The following YY1 variants were observed in gnomAD, a reference collection of about 807,000 sequenced individuals.
YY1 encodes YY1 transcription factor.
Under a neutral mutation model 35.6 loss-of-function variants are expected in YY1, and 2 were observed. The observed-to-expected ratio is 0.06, with a 90% CI of 0.02 to 0.18. YY1 has a LOEUF of 0.18. Ranked by LOEUF, YY1 falls within the 10% of genes least tolerant of loss-of-function variation. YY1 has a pLI of 1.00. For synonymous variants in YY1, 268 were observed against 238.9 expected, an observed-to-expected ratio of 1.12 and a Z score of -1.12; for missense variants, 322 against 573.4, an observed-to-expected ratio of 0.56 and a Z score of 4.48.
At chr14:100,265,885 G>T (rs1891147308) in intron 2 of YY1, among the ~76,000 whole-genome samples, 1 of 151,970 alleles carries the variant, frequency 6.6e-6, no homozygotes, top group East Asian at 1.9e-4. Flanking sequence ...CTAACCTCAT[G>T]ATCCACCCGC....
rs1891324376 is a variant in YY1 at position 100,276,722 on chromosome 14, G to A, written c.1062+74G>A. 1.2e-6 allele frequency: 2 copies of A among 1,606,508 alleles called. No homozygotes were observed. Among genetic ancestry groups the A allele is most frequent in the Non-Finnish European group, 1.7e-6 (2 of 1,176,442 alleles). ...CTGCAAGTGTAGGTGGTGTGGTGAT[G>A]AGGCAGGAGGCGCCAGCCCAGAGAC... On this transcript the variant is annotated intron_variant, in intron 4 of 4. Transcript: ENST00000262238. This position sits in a 1 kb window ranked among gnomAD's most constrained non-coding sequence, Gnocchi z 4.1.
chr14:100,262,586 A>G, intron 2 of YY1, 120 bp downstream of exon 2: 1 of 1,105,954 alleles, frequency 9.0e-7, no homozygotes. Flanking sequence ...GAAATTCCTG[A>G]AAACAAAAGC....
intron 1 of YY1, among the ~76,000 whole-genome samples, chr14:100,240,589 C>T (rs1350251058): frequency 6.6e-6 from 1 of 152,150 alleles, no homozygotes; most frequent in Non-Finnish European, 1.5e-5. Flanking sequence ...CCTGCCCCGG[C>T]GGTCACGCTC....
intron 3 of YY1, chr14:100,275,584 C>T (rs140334730): frequency 1.7e-4 from 26 of 152,358 alleles, no homozygotes; most frequent in African/African-American, 6.0e-4. Context: ...ACACATAATA[C>T]TTGTACATAT....
chr14:100,241,430 A>G (rs1432290177), intron 1 of YY1, among the ~76,000 whole-genome samples: 3 of 152,186 alleles, frequency 2.0e-5, no homozygotes, highest in Non-Finnish European at 4.4e-5. Flanking sequence ...TGAGACAACT[A>G]CAGCTGGGTG....
In YY1 at chr14:100,250,716, A is replaced by G. The variant is rs140955830; in HGVS notation, c.679+10793A>G. On this transcript the variant is annotated intron_variant, in intron 1 of 4. Transcript: ENST00000262238. ...TCACAGTGCTGTCTTAGAGATGCCT[A>G]AAAAATGTATTAAGGAACGTGGCTG... is the stretch of plus-strand genomic sequence containing the variant. Among the ~76,000 whole-genome samples the G allele has an allele frequency of 1.7e-3, 255 of 152,238 alleles. 1 individual carries two copies. The highest frequency in any genetic ancestry group is 2.9e-3 in the Non-Finnish European group (194 of 68,016).
At chr14:100,267,788 C>G (rs140828074) in intron 2 of YY1, among the ~76,000 whole-genome samples, 19 of 152,348 alleles carry the variant, frequency 1.2e-4, no homozygotes. Context: ...TCCCAAAGTG[C>G]TGGGATTACA....
At chr14:100,259,125 A>G (rs779492559) in intron 1 of YY1, among the ~76,000 whole-genome samples, 5 of 152,226 alleles carry the variant, frequency 3.3e-5, no homozygotes, top group Non-Finnish European at 5.9e-5. Context: ...AGACAATTTG[A>G]GAAGCAAAAA....
At chr14:100,262,033 C>A (rs976376570) in intron 1 of YY1, among the ~76,000 whole-genome samples, 3 of 152,006 alleles carry the variant, frequency 2.0e-5, no homozygotes, top group Middle Eastern at 6.3e-3. Context: ...GCCTGTAGTC[C>A]CAGCTACTCA....
Position 100,276,703 on chromosome 14 carries a change from G to A in YY1, c.1062+55G>A. 6.2e-7 allele frequency: 1 copy of A among 1,612,488 alleles called. No homozygotes were observed. The highest frequency in any genetic ancestry group is 8.5e-7 in the Non-Finnish European group (1 of 1,179,556). ...TGCCTTGCCTGTCTGAACACTGCAA[G>A]TGTAGGTGGTGTGGTGATGAGGCAG... On this transcript the variant is annotated intron_variant, in intron 4 of 4. Transcript: ENST00000262238. This position sits in a 1 kb window ranked among gnomAD's most constrained non-coding sequence, Gnocchi z 4.1.
intron 1 of YY1, among the ~76,000 whole-genome samples, chr14:100,243,299 G>A (rs991019780): frequency 6.6e-6 from 1 of 152,186 alleles, no homozygotes; most frequent in Non-Finnish European, 1.5e-5. Context: ...TCGTGTACTT[G>A]ATCTCATTTG....
chr14:100,243,047 C>A (rs1362998428), intron 1 of YY1, among the ~76,000 whole-genome samples: 1 of 152,186 alleles, frequency 6.6e-6, no homozygotes, highest in African/African-American at 2.4e-5. Flanking sequence ...TTGTGGTAAA[C>A]TATCCCCCTT....
chr14:100,256,212 C>T (rs1195989717), intron 1 of YY1, among the ~76,000 whole-genome samples: 1 of 151,860 alleles, frequency 6.6e-6, no homozygotes, highest in Non-Finnish European at 1.5e-5. Flanking sequence ...ACCTAGGTTT[C>T]TTATCCCCTA....
chr14:100,266,979 CAGCTG>C (rs1414110436), intron 2 of YY1, among the ~76,000 whole-genome samples: 1 of 152,130 alleles, frequency 6.6e-6, no homozygotes, highest in East Asian at 1.9e-4. Context: ...ACCAAGAGGA[CAGCTG>C]TGTAGCAGGC....
chr14:100,248,946 C>G (rs1263128933), intron 1 of YY1, among the ~76,000 whole-genome samples: 1 of 151,846 alleles, frequency 6.6e-6, no homozygotes, highest in Non-Finnish European at 1.5e-5. Context: ...CTTGGTCTCC[C>G]AAAGTGCTAG....
chr14:100,276,269 T>G lies in YY1; in HGVS notation c.904-221T>G. On this transcript the variant is annotated intron_variant, in intron 3 of 4. Coordinates refer to ENST00000262238, the MANE Select transcript of YY1 (RefSeq NM_003403.5). This position sits in a 1 kb window ranked among gnomAD's most constrained non-coding sequence, Gnocchi z 4.1. ...TTAAAGACATCTCTAAGCCTCAGTTTCCTCATCTGTAAAACTAGGGTTTGC... is the reference window on the plus strand; with the variant it reads ...TTAAAGACATCTCTAAGCCTCAGTTGCCTCATCTGTAAAACTAGGGTTTGC... 1 of 594,300 alleles carries G rather than the reference T, an allele frequency of 1.7e-6. No individual in the cohort carries two copies. The highest frequency in any genetic ancestry group is 2.9e-6 in the Non-Finnish European group (1 of 347,820). The allele number at this position is 594,300 out of a possible 1,614,324, so 36.8% of individuals were successfully genotyped here. A position where few individuals can be genotyped will look rare whatever the true frequency, so the allele number is the denominator to read the frequency against.
intron 1 of YY1, among the ~76,000 whole-genome samples, chr14:100,247,098 C>T (rs962581610): frequency 6.6e-6 from 1 of 152,136 alleles, no homozygotes; most frequent in Non-Finnish European, 1.5e-5. Flanking sequence ...ATTTTATAGG[C>T]TTTTGGAAGA....
chr14:100,281,438 G>C lies in YY1; in HGVS notation c.*3838G>C, dbSNP rs1430392811. 6.6e-6 allele frequency: 1 copy of C among 152,108 alleles called. No homozygotes were observed. The highest frequency in any genetic ancestry group is 1.5e-5 in the Non-Finnish European group (1 of 68,040). 9.4% of individuals were successfully genotyped at this position (152,108 alleles called of 1,614,324 possible). A position where few individuals can be genotyped will look rare whatever the true frequency, so the allele number is the denominator to read the frequency against. On this transcript the variant is annotated 3_prime_UTR_variant, in exon 5 of 5. Transcript: ENST00000262238. ...TTGCCTTGGACCCTCGGCTGTAGGG[G>C]GCACCTGTCTGGCTCCGGGCCCTTT...
chr14:100,259,411 T>C (rs1891048838), intron 1 of YY1, among the ~76,000 whole-genome samples: 1 of 151,918 alleles, frequency 6.6e-6, no homozygotes, highest in African/African-American at 2.4e-5. Context: ...TCCCAGCTAA[T>C]CGGGAGGTGG....
Sources: gnomAD v4.1 joint callset for allele counts (sites outside exome capture counted in the v4.1 genomes callset) on GRCh38, gnomAD v4.1.1 for gene constraint, Gnocchi (gnomAD v3.1) non-coding constraint, MANE v1.5 for transcripts, NCBI Gene and HGNC (gene_info 2026-07-23, HGNC 2026-07-21) for gene names.